The following SYTL2 variants were observed in gnomAD, a reference collection of about 807,000 sequenced individuals.
The protein encoded by SYTL2 is synaptotagmin-like protein 2.
In SYTL2, 165 loss-of-function variants were observed where a neutral mutation model predicts 198.7. The ratio of observed to expected loss-of-function variants is 0.83; its 90% CI spans 0.73 to 0.94. The LOEUF is 0.94. Among genes scored for constraint, SYTL2 ranks in the 40% least tolerant of loss-of-function variants. The pLI is 0.00. For synonymous variants in SYTL2, 966 were observed against 917.7 expected (o/e 1.05, Z -0.95); for missense variants, 2,835 against 2,582.8 (o/e 1.10, Z -2.12).
chr11:85,707,719 A>G (rs2085426502), intron 14 of SYTL2, among the ~76,000 whole-genome samples, 188 bp from the exon 15 acceptor site: 1 of 152,158 alleles, frequency 6.6e-6, no homozygotes. Flanking sequence ...AGTGGAATTG[A>G]TCATTTTATA....
intron 12 of SYTL2, among the ~76,000 whole-genome samples, chr11:85,712,458 G>T (rs1376362105): frequency 6.6e-6 from 1 of 152,060 alleles, no homozygotes; most frequent in Non-Finnish European, 1.5e-5. Flanking sequence ...TGTGACTGAT[G>T]ATAAGTCTCA....
chr11:85,711,215 T>C lies in SYTL2; in HGVS notation c.5643A>G (p.Thr1881=), dbSNP rs1285201892. The part of the protein sequence containing the change: ...FLQDESDDRE[T]DTASESSYQL... ...GGTAACTGCTTTCTGATGCTGTATC[T>C]GTTTCTCTGTCATCACTCTACAAAA... Residue 1881 remains threonine, a synonymous_variant, in exon 13 of 20, where the codon ACA becomes ACG. Coordinates refer to ENST00000359152, the MANE Select transcript of SYTL2 (RefSeq NM_206927.4). 1 of 1,614,042 alleles carries C rather than the reference T, an allele frequency of 6.2e-7. No homozygotes were observed. The highest frequency in any genetic ancestry group is 1.1e-5 in the South Asian group (1 of 91,082).
the SYTL2 span, among the ~76,000 whole-genome samples, chr11:85,832,728 T>C: frequency 6.6e-6 from 1 of 151,708 alleles, no homozygotes; most frequent in East Asian, 1.9e-4. Context: ...TAGTGGTCCA[T>C]GCTTCTAATC....
chr11:85,775,233 G>T (rs2092431759), intron 1 of SYTL2, among the ~76,000 whole-genome samples: 1 of 152,074 alleles, frequency 6.6e-6, no homozygotes, highest in Non-Finnish European at 1.5e-5. Context: ...TCTTCTTTCT[G>T]TCCCTCCCTC....
the SYTL2 span, among the ~76,000 whole-genome samples, chr11:85,824,076 G>A: frequency 6.6e-6 from 1 of 152,210 alleles, no homozygotes. Context: ...CTGAGTGCGG[G>A]TGAGTGCAAA....
intron 5 of SYTL2, among the ~76,000 whole-genome samples, chr11:85,737,186 T>A (rs560620497): frequency 2.6e-5 from 4 of 152,238 alleles, no homozygotes; most frequent in Non-Finnish European, 4.4e-5. Flanking sequence ...GTCTATAGTT[T>A]AATAAATTAG....
intron 1 of SYTL2, among the ~76,000 whole-genome samples, chr11:85,783,676 T>G (rs976931627): frequency 6.6e-6 from 1 of 152,160 alleles, no homozygotes; most frequent in Non-Finnish European, 1.5e-5. Context: ...ATTCTACAGA[T>G]AAGAAAACAG....
intron 2 of SYTL2, among the ~76,000 whole-genome samples, chr11:85,751,039 C>A (rs1174785957): frequency 2.0e-5 from 3 of 152,144 alleles, no homozygotes; most frequent in Non-Finnish European, 4.4e-5. Context: ...ACGATCAATG[C>A]ACAATGAGCA....
chr11:85,695,978 A>G (rs1173374925), intron 19 of SYTL2, among the ~76,000 whole-genome samples: 3 of 152,228 alleles, frequency 2.0e-5, no homozygotes, highest in African/African-American at 4.8e-5. Context: ...CTATATGCAG[A>G]GACACTTCAC....
intron 1 of SYTL2, among the ~76,000 whole-genome samples, chr11:85,769,551 A>G (rs2092314004): frequency 6.6e-6 from 1 of 152,224 alleles, no homozygotes; most frequent in African/African-American, 2.4e-5. Flanking sequence ...GAATTATATA[A>G]GTTTGTGTTG....
upstream of SYTL2, among the ~76,000 whole-genome samples, chr11:85,814,081 G>C (rs1289068957): frequency 1.3e-5 from 2 of 152,198 alleles, no homozygotes; most frequent in Middle Eastern, 3.2e-3. Flanking sequence ...CCCATGCCAA[G>C]GAGATAACAC....
the SYTL2 span, among the ~76,000 whole-genome samples, chr11:85,849,854 T>C: frequency 1.0e-4 from 14 of 135,946 alleles, no homozygotes; most frequent in South Asian, 7.4e-4. Context: ...GGGGATGGCA[T>C]TGAATCTGTA....
chr11:85,787,095 C>A (rs1592028379), intron 1 of SYTL2, among the ~76,000 whole-genome samples: 1 of 152,332 alleles, frequency 6.6e-6, no homozygotes, highest in East Asian at 1.9e-4. Context: ...GCCTCACAGG[C>A]CTGGGGAGAG....
chr11:85,829,049 G>GT, the SYTL2 span, among the ~76,000 whole-genome samples: 3,387 of 146,342 alleles, frequency 0.023, 111 homozygotes, highest in African/African-American at 0.07. Flanking sequence ...AAAGAGCTCT[G>GT]TTTTTTTTTT....
At chr11:85,758,290 T>C (rs956068443) in intron 1 of SYTL2, among the ~76,000 whole-genome samples, 176 bp from the exon 2 acceptor site, 2 of 152,184 alleles carry the variant, frequency 1.3e-5, no homozygotes, top group Non-Finnish European at 2.9e-5. Flanking sequence ...TTCAACCCTA[T>C]TCCAGACGGC....
chr11:85,725,636 G>A lies in SYTL2; in HGVS notation c.3722C>T (p.Ser1241Phe). The stretch of plus-strand genomic sequence containing the variant: ...AAAAAATCTCCCCTCTTCCAGCTTA[G>A]AGTTGGTTCCAGTGATAACAGGCGC... ...KLAPVITGTN[S>F]KLEEGRFFGK... The change falls in exon 8 of 20, where the codon TCT becomes TTT. Residue 1241 changes from serine (S) to phenylalanine (F), a missense_variant. This residue lies in a region of SYTL2 where 2,645 missense variants were observed against 2,381.7 expected (regional missense o/e 1.11). Transcript: ENST00000359152. 1 of 1,614,118 alleles carries A rather than the reference G, an allele frequency of 6.2e-7. No individual in the cohort carries two copies. The highest frequency in any genetic ancestry group is 2.2e-5 in the East Asian group (1 of 44,886).
intron 1 of SYTL2, among the ~76,000 whole-genome samples, chr11:85,787,597 G>C (rs1027915712): frequency 1.1e-4 from 17 of 151,692 alleles, no homozygotes; most frequent in African/African-American, 4.1e-4. Context: ...TGTTAGGACT[G>C]TACCGCAAGT....
At chr11:85,825,116 C>T in the SYTL2 span, among the ~76,000 whole-genome samples, 2 of 152,196 alleles carry the variant, frequency 1.3e-5, no homozygotes, top group African/African-American at 4.8e-5. Context: ...GTGCCTGATG[C>T]TGAGTGTGCA....
chr11:85,751,908 T>G (rs2091534886), intron 2 of SYTL2, among the ~76,000 whole-genome samples: 1 of 152,230 alleles, frequency 6.6e-6, no homozygotes, highest in African/African-American at 2.4e-5. Context: ...GCCATCTGCT[T>G]CAAATTGGAC....
Sources: allele counts gnomAD v4.1 joint callset (sites outside exome capture counted in the v4.1 genomes callset), GRCh38; gene constraint gnomAD v4.1.1; regional missense constraint gnomAD v4.1.1; transcripts MANE v1.5; gene names NCBI Gene and HGNC (gene_info 2026-07-23, HGNC 2026-07-21).